The following A4GALT variants were observed in gnomAD, a reference collection of about 807,000 sequenced individuals.
A4GALT encodes lactosylceramide 4-alpha-galactosyltransferase.
For synonymous variants in A4GALT, 257 were observed against 220.7 expected (o/e 1.16, Z -1.46); for missense variants, 512 against 486.0 (o/e 1.05, Z -0.50).
intron 1 of A4GALT, among the ~76,000 whole-genome samples, chr22:42,702,430 C>T (rs1458104974): frequency 2.0e-5 from 3 of 151,962 alleles, no homozygotes; most frequent in Non-Finnish European, 1.5e-5. Flanking sequence ...CAACTTCCGC[C>T]GCCCGGGTTC....
chr22:42,704,970 C>A (rs1050552990), intron 1 of A4GALT, among the ~76,000 whole-genome samples: 1 of 152,088 alleles, frequency 6.6e-6, no homozygotes, highest in Admixed American at 6.6e-5. Context: ...GCATGAGCTA[C>A]GGCCAGAATG....
chr22:42,721,035 G>T (rs1320386961), upstream of A4GALT: 1 of 152,034 alleles, frequency 6.6e-6, no homozygotes, highest in Non-Finnish European at 1.5e-5. Flanking sequence ...GGGCGGGTGC[G>T]GACAGTCCCC....
At chr22:42,713,853 C>T (rs961451893) in intron 1 of A4GALT, among the ~76,000 whole-genome samples, 78 of 147,570 alleles carry the variant, frequency 5.3e-4, no homozygotes, top group Middle Eastern at 3.5e-3. Context: ...GACAGACAGA[C>T]ATCAGGTGCT....
At chr22:42,705,005 G>A (rs1013922898) in intron 1 of A4GALT, among the ~76,000 whole-genome samples, 1 of 152,170 alleles carries the variant, frequency 6.6e-6, no homozygotes, top group Admixed American at 6.5e-5. Flanking sequence ...AGGGCTGGAG[G>A]CAAGTGACCT....
At chr22:42,719,446 C>A (rs978310443) in intron 1 of A4GALT, among the ~76,000 whole-genome samples, 5 of 152,094 alleles carry the variant, frequency 3.3e-5, no homozygotes, top group African/African-American at 9.7e-5. Context: ...CAGAGGGAGA[C>A]CCTAAAAAAC....
intron 1 of A4GALT, among the ~76,000 whole-genome samples, chr22:42,714,274 C>CAAAAAAA (rs1163088658): frequency 0.021 from 333 of 16,164 alleles, 110 homozygotes; most frequent in Non-Finnish European, 0.027. Flanking sequence ...GACTCTGTCT[C>CAAAAAAA]AAAAAAAAAA....
chr22:42,714,198 CCAGAAGGCTGAGGCTGCAGTGAGCT>C (rs1470901274), intron 1 of A4GALT, among the ~76,000 whole-genome samples: 6 of 142,684 alleles, frequency 4.2e-5, no homozygotes, highest in Admixed American at 3.1e-4. Context: ...CTGCGTGAGC[CCAGAAGGCTGAGGCTGCAGTGAGCT>C]ATGCTCATAC....
At chr22:42,701,689 A>G (rs1475129704) in intron 1 of A4GALT, among the ~76,000 whole-genome samples, 1 of 152,142 alleles carries the variant, frequency 6.6e-6, no homozygotes, top group Non-Finnish European at 1.5e-5. Context: ...GCACTGACTC[A>G]GGTCCAGCTA....
Position 42,694,014 on chromosome 22 carries a change from C to T in A4GALT, c.-46-17G>A. 3 of 1,421,156 alleles carry T rather than the reference C, an allele frequency of 2.1e-6. No individual in the cohort carries two copies. The highest frequency in any genetic ancestry group is 2.9e-6 in the Non-Finnish European group (3 of 1,038,562). The allele number at this position is 1,421,156 out of a possible 1,614,324, so 88.0% of individuals were successfully genotyped here. Reference sequence around the variant, plus strand: ...CCGGCTGGTCTGCAAGAGATGAGCACCCGCCATCAGGGAGGCCGTTGGCAT... The same window carrying T: ...CCGGCTGGTCTGCAAGAGATGAGCATCCGCCATCAGGGAGGCCGTTGGCAT... On this transcript the variant is annotated splice_polypyrimidine_tract_variant and intron_variant, in intron 2 of 2. Coordinates refer to ENST00000642412, the MANE Select transcript of A4GALT (RefSeq NM_017436.7).
chr22:42,712,242 A>C (rs1921760724), intron 1 of A4GALT, among the ~76,000 whole-genome samples: 1 of 152,142 alleles, frequency 6.6e-6, no homozygotes, highest in Non-Finnish European at 1.5e-5. Flanking sequence ...TCAGGGGCAG[A>C]GTGAAATTCC....
chr22:42,696,751 A>G (rs1601988637), intron 1 of A4GALT, among the ~76,000 whole-genome samples: 1 of 151,670 alleles, frequency 6.6e-6, no homozygotes, highest in Non-Finnish European at 1.5e-5. Flanking sequence ...GCCCTGATCC[A>G]CTGGGCCCCA....
chr22:42,699,753 T>C (rs769523356), intron 1 of A4GALT, among the ~76,000 whole-genome samples: 7 of 152,184 alleles, frequency 4.6e-5, no homozygotes, highest in Non-Finnish European at 8.8e-5. Context: ...TGATGGTTAA[T>C]TTCATGTGTC....
At chr22:42,701,784 C>T (rs1021126843) in intron 1 of A4GALT, among the ~76,000 whole-genome samples, 6 of 152,098 alleles carry the variant, frequency 3.9e-5, no homozygotes, top group African/African-American at 1.4e-4. Context: ...TATGTGCTTC[C>T]CATGGGGTCA....
In A4GALT at chr22:42,700,771, A is replaced by G. The variant is rs777924343; in HGVS notation, c.-187-5140T>C. Among the ~76,000 whole-genome samples, 15 of 152,208 alleles carry G rather than the reference A, an allele frequency of 9.9e-5. No individual in the cohort carries two copies. The East Asian group carries it at 2.7e-3, about 27-fold the overall frequency. On this transcript the variant is annotated intron_variant, in intron 1 of 2. Transcript: ENST00000642412. The stretch of plus-strand genomic sequence containing the variant: ...TTGGAGGGATGGAGGGAGGCAATGC[A>G]TCTCCAGGGCCCAGCCCACGGAACA...
At chr22:42,711,987 A>T (rs34470970) in intron 1 of A4GALT, among the ~76,000 whole-genome samples, 32,538 of 152,078 alleles carry the variant, frequency 0.21, 4,352 homozygotes, top group South Asian at 0.38. Flanking sequence ...GCCGGGATCA[A>T]ATGTGATAAC....
At chr22:42,702,169 T>C (rs1920926039) in intron 1 of A4GALT, among the ~76,000 whole-genome samples, 1 of 151,998 alleles carries the variant, frequency 6.6e-6, no homozygotes, top group Admixed American at 6.6e-5. Flanking sequence ...GGGATGCCTT[T>C]CTTGGTCCCT....
intron 1 of A4GALT, among the ~76,000 whole-genome samples, chr22:42,702,632 C>T (rs892756172): frequency 2.6e-5 from 4 of 152,136 alleles, no homozygotes; most frequent in Admixed American, 6.5e-5. Flanking sequence ...CCGCCGTGTC[C>T]GGCTGAAACA....
chr22:42,696,427 G>GAAAAAAAAAA (rs59139000), intron 1 of A4GALT, among the ~76,000 whole-genome samples: 1 of 122,224 alleles, frequency 8.2e-6, no homozygotes, highest in Non-Finnish European at 1.8e-5. Flanking sequence ...TTTCAAAAAG[G>GAAAAAAAAAA]AAAAAAAAAA....
At chr22:42,709,067 A>ATATATATATATATATATTTTTTTT (rs1180529043) in intron 1 of A4GALT, among the ~76,000 whole-genome samples, 5 of 128,832 alleles carry the variant, frequency 3.9e-5, no homozygotes, top group Admixed American at 7.9e-5. Context: ...ATATATATAT[A>ATATATATATATATATATTTTTTTT]TTTTTTTTAA....
Sources: gnomAD v4.1 joint callset for allele counts (sites outside exome capture counted in the v4.1 genomes callset) on GRCh38, gnomAD v4.1.1 for gene constraint, MANE v1.5 for transcripts, NCBI Gene and HGNC (gene_info 2026-07-23, HGNC 2026-07-21) for gene names.